The following PCDHA6 variants were observed in gnomAD, a reference collection of about 807,000 sequenced individuals.
PCDHA6 encodes protocadherin alpha-6.
A neutral mutation model predicts 60.3 loss-of-function variants in PCDHA6; 55 were observed. That is an observed-to-expected ratio of 0.91 (90% CI 0.73 to 1.14). The LOEUF is 1.14. PCDHA6 is among the 50% of genes most tolerant of loss of function. The pLI is 0.00. For synonymous variants in PCDHA6, 652 were observed against 557.9 expected, an observed-to-expected ratio of 1.17 and a Z score of -2.38; for missense variants, 1,327 against 1,256.5, an observed-to-expected ratio of 1.06 and a Z score of -0.85.
At chr5:140,890,526 ATCT>A (rs2062679933) in intron 1 of PCDHA6, among the ~76,000 whole-genome samples, 1 of 151,278 alleles carries the variant, frequency 6.6e-6, no homozygotes, top group Admixed American at 6.6e-5. Flanking sequence ...TCCTTTGTTG[ATCT>A]TCTTTTGAAA....
At chr5:140,851,162 G>C in intron 1 of PCDHA6, 1 of 1,294,640 alleles carries the variant, frequency 7.7e-7, no homozygotes, top group African/African-American at 1.5e-5. Context: ...CTGATGCTAT[G>C]CTGCCATAAC....
At chr5:140,914,116 A>T (rs2076611706) in intron 1 of PCDHA6, among the ~76,000 whole-genome samples, 1 of 152,128 alleles carries the variant, frequency 6.6e-6, no homozygotes. Flanking sequence ...ATTAAGTCTG[A>T]TGTTTCTTTG....
Position 141,009,608 on chromosome 5 carries a change from G to T in PCDHA6, c.2543-19G>T, listed in dbSNP as rs1350951999. On this transcript the variant is annotated intron_variant, in intron 3 of 3. Coordinates refer to ENST00000529310, the MANE Select transcript of PCDHA6 (RefSeq NM_018909.4). Reference sequence around the variant, plus strand: ...CATGTGTTGACCCTGTTAATGATTTGTAATGTTTTGTCTTTCAGAACCAGA... The same window carrying T: ...CATGTGTTGACCCTGTTAATGATTTTTAATGTTTTGTCTTTCAGAACCAGA... 1 of 1,610,774 alleles carries T rather than the reference G, an allele frequency of 6.2e-7. No individual in the cohort carries two copies. The highest frequency in any genetic ancestry group is 2.2e-5 in the East Asian group (1 of 44,832).
chr5:140,920,847 A>G (rs1410435400), intron 1 of PCDHA6, among the ~76,000 whole-genome samples: 1 of 152,028 alleles, frequency 6.6e-6, no homozygotes, highest in Non-Finnish European at 1.5e-5. Flanking sequence ...AATCTAAAAA[A>G]AAAAAAAAAA....
At chr5:140,930,993 C>T (rs1275430453) in intron 1 of PCDHA6, among the ~76,000 whole-genome samples, 1 of 152,140 alleles carries the variant, frequency 6.6e-6, no homozygotes, top group African/African-American at 2.4e-5. Flanking sequence ...TCATGACCTA[C>T]ACTAATAACA....
At chr5:140,896,673 G>A (rs962137649) in intron 1 of PCDHA6, among the ~76,000 whole-genome samples, 12 of 152,000 alleles carry the variant, frequency 7.9e-5, no homozygotes, top group Admixed American at 2.6e-4. Context: ...CACTGTGCCC[G>A]GCCCTTTGCC....
At chr5:140,898,664 G>C (rs1360946717) in intron 1 of PCDHA6, among the ~76,000 whole-genome samples, 1 of 152,190 alleles carries the variant, frequency 6.6e-6, no homozygotes, top group Non-Finnish European at 1.5e-5. Flanking sequence ...GATTGACTTG[G>C]TGTTGCGGGC....
Position 140,994,560 on chromosome 5 carries a change from C to T in PCDHA6, c.2542+11997C>T, listed in dbSNP as rs140191916. Among the ~76,000 whole-genome samples, 970 of 152,032 alleles carry T rather than the reference C, an allele frequency of 6.4e-3. 14 individuals carry two copies. Among genetic ancestry groups the T allele is most frequent in the African/African-American group, 0.023 (943 of 41,474 alleles). On this transcript the variant is annotated intron_variant, in intron 3 of 3. Coordinates refer to ENST00000529310, the MANE Select transcript of PCDHA6 (RefSeq NM_018909.4). ...TCTACAAAAAAAATATAAAAATTAG[C>T]CGGGTGTGGTGGCATGCACTTGTAG...
At position 140,843,028 on chromosome 5, in the gene PCDHA6, G is replaced by A. The variant is rs2150350487; in HGVS notation, c.2394+12543G>A. 21 of 1,595,152 alleles carry A rather than the reference G, an allele frequency of 1.3e-5. 1 individual carries two copies. Among genetic ancestry groups the A allele is most frequent in the Non-Finnish European group, 1.7e-5 (20 of 1,165,462 alleles). ...ACGCGCCGGCACTGCTGGAGCCTCG[G>A]GTGGGTGGCACTGGTGGCGCAGCGA... On this transcript the variant is annotated intron_variant, in intron 1 of 3. Transcript: ENST00000529310.
At chr5:140,917,127 C>T (rs1286418907) in intron 1 of PCDHA6, among the ~76,000 whole-genome samples, 1 of 152,072 alleles carries the variant, frequency 6.6e-6, no homozygotes, top group African/African-American at 2.4e-5. Context: ...CGCAGACTCC[C>T]CACGTTGCTC....
intron 1 of PCDHA6, chr5:140,871,023 C>T: frequency 6.2e-7 from 1 of 1,613,268 alleles, no homozygotes; most frequent in Non-Finnish European, 8.5e-7. Context: ...ACGAGGCAGA[C>T]TCGCCGCGCC....
chr5:140,835,712 G>C, intron 1 of PCDHA6: 1 of 1,613,796 alleles, frequency 6.2e-7, no homozygotes, highest in Non-Finnish European at 8.5e-7. Flanking sequence ...GCGTGTCCGT[G>C]GAGGTGGCCG....
intron 1 of PCDHA6, chr5:140,859,217 C>T (rs1409192343): frequency 6.7e-6 from 1 of 149,754 alleles, no homozygotes; most frequent in South Asian, 2.1e-4. Context: ...AGCTCTTTCA[C>T]TTTAAGGAAG....
At position 140,828,548 on chromosome 5, in the gene PCDHA6, C is replaced by A. The variant is rs2150156612; in HGVS notation, c.457C>A (p.Pro153Thr). 6.2e-7 allele frequency: 1 copy of A among 1,614,200 alleles called. No homozygotes were observed. The part of the protein sequence containing the change: ...YESRLPDSVF[P>T]LEGASDADVG... Reference sequence around the variant, plus strand: ...ATCTAGGCTGCCAGATTCTGTGTTTCCACTGGAGGGCGCGTCCGATGCAGA... The same window carrying A: ...ATCTAGGCTGCCAGATTCTGTGTTTACACTGGAGGGCGCGTCCGATGCAGA... Residue 153 changes from proline (P) to threonine (T), a missense_variant, in exon 1 of 4, where the codon CCA becomes ACA. Pro to Thr is a conservative substitution (Grantham distance 38). Coordinates refer to ENST00000529310, the MANE Select transcript of PCDHA6 (RefSeq NM_018909.4).
At chr5:140,918,595 A>T (rs2078770795) in intron 1 of PCDHA6, among the ~76,000 whole-genome samples, 1 of 152,228 alleles carries the variant, frequency 6.6e-6, no homozygotes, top group Non-Finnish European at 1.5e-5. Context: ...TGTTCTATAG[A>T]TGTTGCTATG....
intron 1 of PCDHA6, among the ~76,000 whole-genome samples, chr5:140,972,883 C>T (rs1020544230): frequency 1.1e-4 from 16 of 151,884 alleles, no homozygotes; most frequent in African/African-American, 1.7e-4. Context: ...AGGATGGTCT[C>T]GATCTCTTGA....
At chr5:140,864,838 A>C (rs868993134) in intron 1 of PCDHA6, 5 of 152,252 alleles carry the variant, frequency 3.3e-5, no homozygotes, top group Admixed American at 1.3e-4. Flanking sequence ...AGTATAAGAG[A>C]GTCTTCCCAT....
intron 1 of PCDHA6, among the ~76,000 whole-genome samples, chr5:140,942,794 A>C (rs782783696): frequency 2.6e-4 from 39 of 152,326 alleles, no homozygotes; most frequent in Middle Eastern, 3.4e-3. Flanking sequence ...TTACAAAGGC[A>C]TGTTTTCCAC....
chr5:140,922,049 T>G (rs1368623726), intron 1 of PCDHA6, among the ~76,000 whole-genome samples: 1 of 152,066 alleles, frequency 6.6e-6, no homozygotes, highest in African/African-American at 2.4e-5. Context: ...CCCACATACC[T>G]TCAAAATGTA....
Sources: allele counts gnomAD v4.1 joint callset (sites outside exome capture counted in the v4.1 genomes callset), GRCh38; gene constraint gnomAD v4.1.1; transcripts MANE v1.5; gene names NCBI Gene and HGNC (gene_info 2026-07-23, HGNC 2026-07-21).